The following ANKRD36B variants were observed in gnomAD, a reference collection of about 807,000 sequenced individuals.
ANKRD36B encodes ankyrin repeat domain-containing protein 36B.
In ANKRD36B, 37 loss-of-function variants were observed where a neutral mutation model predicts 135.7. That is an observed-to-expected ratio of 0.27 (90% CI 0.21 to 0.36). The LOEUF (loss-of-function observed/expected upper bound fraction) is 0.36. ANKRD36B is among the 10% of genes least tolerant of loss of function. ANKRD36B has a pLI of 1.00. For missense variants in ANKRD36B, 549 were observed against 1,037.1 expected (o/e 0.53, Z 6.46); for synonymous variants, 179 against 348.1 (o/e 0.51, Z 5.41).
chr2:97,566,840 C>T (rs1245265141), intron 6 of ANKRD36B, among the ~76,000 whole-genome samples: 1 of 152,060 alleles, frequency 6.6e-6, no homozygotes, highest in Non-Finnish European at 1.5e-5. Flanking sequence ...TTTCTGTGAC[C>T]AAATATGTAT....
rs1357532661 is a variant in ANKRD36B at position 97,538,604 on chromosome 2, T to C, written c.1988-241A>G. 4.1e-5 allele frequency among the ~76,000 whole-genome samples: 4 copies of C among 96,640 alleles called. 2 individuals carry two copies. The highest frequency in any genetic ancestry group is 1.1e-4 in the Non-Finnish European group (4 of 36,320). The allele number at this position is 96,640 out of a possible 152,430, so 63.4% of individuals were successfully genotyped here. A position where few individuals can be genotyped will look rare whatever the true frequency, so the allele number is the denominator to read the frequency against. ...AGAGGTATTTTGCGTCATGTGTGTA[T>C]TACTGAAATAAAAAGTGTCAATATC... On this transcript the variant is annotated intron_variant, in intron 30 of 43. Coordinates refer to ENST00000359901, the MANE Select transcript of ANKRD36B (RefSeq NM_001393939.1).
chr2:97,577,791 T>C (rs1309073677), intron 5 of ANKRD36B, among the ~76,000 whole-genome samples: 1 of 151,012 alleles, frequency 6.6e-6, no homozygotes, highest in South Asian at 2.1e-4. Context: ...GCTTGAGAGA[T>C]CTTCATTATT....
At chr2:97,556,485 G>C (rs2080534766) in intron 12 of ANKRD36B, among the ~76,000 whole-genome samples, 1 of 151,656 alleles carries the variant, frequency 6.6e-6, no homozygotes. Context: ...CCTCTTTCTT[G>C]ATGAAAATAG....
At chr2:97,564,112 A>G (rs998858993) in intron 6 of ANKRD36B, among the ~76,000 whole-genome samples, 2 of 151,794 alleles carry the variant, frequency 1.3e-5, no homozygotes, top group African/African-American at 4.8e-5. Context: ...GAATATGCAC[A>G]TATGTTGTAA....
chr2:97,561,339 T>C (rs1398592776), intron 6 of ANKRD36B, among the ~76,000 whole-genome samples: 2 of 151,936 alleles, frequency 1.3e-5, no homozygotes, highest in Admixed American at 1.3e-4. Context: ...ACAATTATAA[T>C]GACACTTTAG....
rs1473674613 is a variant in ANKRD36B at position 97,556,884 on chromosome 2, C to T, written c.1069+53G>A. ...CCCACTGATCTATTCAGGGGTGGGA[C>T]GTTCTCTTCTGTCTTGAGTGCACAT... On this transcript the variant is annotated intron_variant, in intron 12 of 43. Coordinates refer to ENST00000359901, the MANE Select transcript of ANKRD36B (RefSeq NM_001393939.1). 106 of 1,543,268 alleles carry T rather than the reference C, an allele frequency of 6.9e-5. 1 individual carries two copies. Among genetic ancestry groups the T allele is most frequent in the South Asian group, 1.8e-4 (15 of 82,952 alleles).
Position 97,547,494 on chromosome 2 carries a change from T to C in ANKRD36B, c.1579+42A>G, listed in dbSNP as rs773966035. 2.6e-6 allele frequency: 4 copies of C among 1,521,722 alleles called. No individual in the cohort carries two copies. In the African/African-American group the frequency reaches 5.5e-5, roughly 21 times the overall value. 94.3% of individuals were successfully genotyped at this position (1,521,722 alleles called of 1,614,324 possible). A position where few individuals can be genotyped will look rare whatever the true frequency, so the allele number is the denominator to read the frequency against. On this transcript the variant is annotated intron_variant, in intron 22 of 43. Coordinates refer to ENST00000359901, the MANE Select transcript of ANKRD36B (RefSeq NM_001393939.1). ...TATTCAGGGAAGAGAATTTCTTATC[T>C]ACCCGGACTGAACATGACATTAAAT...
chr2:97,544,330 C>T (rs2079300305), intron 24 of ANKRD36B, among the ~76,000 whole-genome samples: 2 of 93,066 alleles, frequency 2.1e-5, no homozygotes, highest in South Asian at 2.4e-4. Flanking sequence ...AATGTCAAAG[C>T]AGGTTCTACA....
Position 97,523,908 on chromosome 2 carries a change from T to C in ANKRD36B, c.2266-441A>G, listed in dbSNP as rs1374090083. On this transcript the variant is annotated intron_variant, in intron 35 of 43. Transcript: ENST00000359901. ...GCAGCAAGTGACCCTCTAAGTCTTT[T>C]GGAAGTTGAACTTTCTCCAAAGCCA... is the stretch of plus-strand genomic sequence containing the variant. 4.5e-4 allele frequency: 29 copies of C among 64,494 alleles called. 1 individual carries two copies. Among genetic ancestry groups the C allele is most frequent in the African/African-American group, 1.3e-3 (29 of 22,270 alleles). The allele number at this position is 64,494 out of a possible 1,614,324, so 4.0% of individuals were successfully genotyped here.
intron 43 of ANKRD36B, among the ~76,000 whole-genome samples, chr2:97,494,253 C>A (rs1306827273): frequency 1.5e-5 from 1 of 65,394 alleles, no homozygotes; most frequent in Admixed American, 1.1e-4. Context: ...GTATAAGGAA[C>A]AGGTATAAGA....
At chr2:97,586,920 T>A (rs1298083423) in intron 1 of ANKRD36B, among the ~76,000 whole-genome samples, 2 of 152,182 alleles carry the variant, frequency 1.3e-5, no homozygotes, top group Non-Finnish European at 2.9e-5. Flanking sequence ...ACACCTGTAA[T>A]CCCAGAACTT....
At position 97,586,999 on chromosome 2, in the gene ANKRD36B, C is replaced by A. The variant is rs1463943846; in HGVS notation, c.162-1601G>T. Among the ~76,000 whole-genome samples the A allele has an allele frequency of 2.6e-4, 40 of 152,074 alleles. 1 individual carries two copies. The highest frequency in any genetic ancestry group is 1.9e-4 in the East Asian group (1 of 5,194). On this transcript the variant is annotated intron_variant, in intron 1 of 43. Transcript: ENST00000359901. ...GACCAGCCTGGTCAACATGGTGAAA[C>A]CCCGTCTTTACTAAAATATACAAAA...
chr2:97,539,525 A>T (rs1295826455), intron 30 of ANKRD36B, among the ~76,000 whole-genome samples: 1 of 96,030 alleles, frequency 1.0e-5, no homozygotes, highest in Admixed American at 9.3e-5. Flanking sequence ...AGAAACAACA[A>T]AATTACCTAA....
chr2:97,551,448 T>C lies in ANKRD36B; in HGVS notation c.1302+4A>G. On this transcript the variant is annotated splice_donor_region_variant and intron_variant, in intron 17 of 43. Transcript: ENST00000359901. ...GCTCACAATATAAATGAGAGTTTCA[T>C]TACCTTCAAGGCTGGTTTTTTCTGA... 6.2e-7 allele frequency: 1 copy of C among 1,606,970 alleles called. No homozygotes were observed. The highest frequency in any genetic ancestry group is 8.5e-7 in the Non-Finnish European group (1 of 1,178,792).
chr2:97,546,866 C>T (rs1425109724), intron 22 of ANKRD36B, among the ~76,000 whole-genome samples: 1 of 151,538 alleles, frequency 6.6e-6, no homozygotes, highest in Admixed American at 6.6e-5. Flanking sequence ...ATCTCTGATG[C>T]CTCCTAGTAA....
intron 6 of ANKRD36B, among the ~76,000 whole-genome samples, chr2:97,564,676 A>G (rs373471525): frequency 6.6e-6 from 1 of 152,116 alleles, no homozygotes; most frequent in Non-Finnish European, 1.5e-5. Context: ...CAAAGATCAG[A>G]TGGTGTAGGT....
intron 34 of ANKRD36B, among the ~76,000 whole-genome samples, chr2:97,536,005 T>G (rs1386800933): frequency 2.1e-5 from 2 of 93,474 alleles, no homozygotes; most frequent in African/African-American, 6.4e-5. Flanking sequence ...GTGGAGGTTG[T>G]GGTGAGCTAC....
intron 6 of ANKRD36B, among the ~76,000 whole-genome samples, chr2:97,574,924 C>T (rs1033886757): frequency 1.3e-5 from 2 of 152,064 alleles, no homozygotes; most frequent in South Asian, 2.1e-4. Context: ...AAAAGGGTTA[C>T]GCAGGATCTT....
intron 16 of ANKRD36B, among the ~76,000 whole-genome samples, 198 bp from the exon 17 acceptor site, chr2:97,551,678 C>T (rs544997880): frequency 1.3e-5 from 2 of 151,874 alleles, no homozygotes; most frequent in African/African-American, 2.4e-5. Context: ...TGAAATATAC[C>T]CCTGCAATTT....
Sources: allele counts gnomAD v4.1 joint callset (sites outside exome capture counted in the v4.1 genomes callset), GRCh38; gene constraint gnomAD v4.1.1; transcripts MANE v1.5; gene names NCBI Gene and HGNC (gene_info 2026-07-23, HGNC 2026-07-21).